DOCK9: variants seen among roughly 807,000 people sequenced by gnomAD.
DOCK9 encodes the protein dedicator of cytokinesis 9.
In DOCK9, 89 loss-of-function variants were observed where a neutral mutation model predicts 263.3. That is an observed-to-expected ratio of 0.34 (90% CI 0.28 to 0.40). The LOEUF (loss-of-function observed/expected upper bound fraction) is 0.40, where lower values mean the gene tolerates loss of function less well. DOCK9 is among the 10% of genes least tolerant of loss of function. DOCK9 has a pLI of 1.00. For missense variants in DOCK9, 2,140 were observed against 2,603.4 expected (o/e 0.82, Z 3.87); for synonymous variants, 976 against 973.1 (o/e 1.00, Z -0.06).
At chr13:98,878,417 C>T (rs1192217243) in intron 27 of DOCK9, among the ~76,000 whole-genome samples, 1 of 152,340 alleles carries the variant, frequency 6.6e-6, no homozygotes, top group East Asian at 1.9e-4. Flanking sequence ...ACCTCCTCCC[C>T]TTCTTTCCCA....
chr13:99,022,721 T>G (rs1451222272), intron 1 of DOCK9, among the ~76,000 whole-genome samples: 1 of 152,134 alleles, frequency 6.6e-6, no homozygotes, highest in East Asian at 1.9e-4. Flanking sequence ...GGCAGGAGGA[T>G]CGCTTGAGCC....
At chr13:98,937,296 G>A (rs148895554) in intron 2 of DOCK9, among the ~76,000 whole-genome samples, 2 of 151,872 alleles carry the variant, frequency 1.3e-5, no homozygotes, top group Non-Finnish European at 2.9e-5. Flanking sequence ...ACAACTATTT[G>A]GATAGAAATC....
At chr13:98,815,595 T>C (rs551980028) in intron 45 of DOCK9, among the ~76,000 whole-genome samples, 5 of 152,184 alleles carry the variant, frequency 3.3e-5, no homozygotes, top group Non-Finnish European at 7.4e-5. Flanking sequence ...CATTCTCCTA[T>C]CTCAGCCTCC....
chr13:99,078,075 G>A (rs1161099965), intron 1 of DOCK9, among the ~76,000 whole-genome samples: 2 of 152,130 alleles, frequency 1.3e-5, no homozygotes, highest in South Asian at 4.1e-4. Flanking sequence ...ATGTAAAAAG[G>A]ACAACCTAAC....
At chr13:99,049,147 C>T (rs1307696913) in intron 1 of DOCK9, among the ~76,000 whole-genome samples, 1 of 152,218 alleles carries the variant, frequency 6.6e-6, no homozygotes, top group East Asian at 1.9e-4. Flanking sequence ...TCTCTCATTA[C>T]TCAAGAATTT....
Position 98,862,919 on chromosome 13 carries a change from A to C in DOCK9, c.3579+100T>G, listed in dbSNP as rs893170295. 7 of 989,656 alleles carry C rather than the reference A, an allele frequency of 7.1e-6. No individual in the cohort carries two copies. The African/African-American group carries it at 1.1e-4, about 16-fold the overall frequency. The allele number at this position is 989,656 out of a possible 1,614,324, so 61.3% of individuals were successfully genotyped here. On this transcript the variant is annotated intron_variant, in intron 32 of 52. Coordinates refer to ENST00000682017, the MANE Select transcript of DOCK9 (RefSeq NM_001366683.2). ...ACTTCTGGACTCCTGACTGGGAGAG[A>C]ATAAACTGCTGCTGCTCTAAGCCAC... is the stretch of plus-strand genomic sequence containing the variant.
rs1422556755 is a variant in DOCK9 at position 98,856,037 on chromosome 13, T to C, written c.3698-6A>G. ...TGAGGTTGTATATGGAGAAGCTAAA[T>C]GGAAATCAAGCCAACAATAAAGTTT... On this transcript the variant is annotated splice_region_variant and splice_polypyrimidine_tract_variant and intron_variant, in intron 33 of 52. Coordinates refer to ENST00000682017, the MANE Select transcript of DOCK9 (RefSeq NM_001366683.2). 1.8e-5 allele frequency: 29 copies of C among 1,613,480 alleles called. No homozygotes were observed. The highest frequency in any genetic ancestry group is 2.4e-5 in the Non-Finnish European group (28 of 1,179,676).
At chr13:99,038,732 G>C (rs1358142853) in intron 1 of DOCK9, among the ~76,000 whole-genome samples, 3 of 152,214 alleles carry the variant, frequency 2.0e-5, no homozygotes, top group Admixed American at 6.5e-5. Flanking sequence ...TCTGTCTTGG[G>C]AAAGCACATT....
At chr13:98,981,054 G>GTTTTTTTTTTTTTTTTTTT (rs1291190944), upstream of DOCK9, among the ~76,000 whole-genome samples, 1 of 143,878 alleles carries the variant, frequency 7.0e-6, no homozygotes. Context: ...CAAGTAATTT[G>GTTTTTTTTTTTTTTTTTTT]TTTTTTGTTT....
rs754065478 is a variant in DOCK9 at position 99,072,923 on chromosome 13, C to T, written c.129+13300G>A. On this transcript the variant is annotated intron_variant, in intron 1 of 32. Transcript: ENST00000427887. ...TGAAGATGGGAGGATTGCTTGAGCC[C>T]GGGAGGTCAAGGCTTCAGTGAGCCA... 5.3e-5 allele frequency among the ~76,000 whole-genome samples: 8 copies of T among 152,108 alleles called. No individual in the cohort carries two copies. The South Asian group carries it at 1.5e-3, about 28-fold the overall frequency.
At chr13:98,875,748 C>T (rs150816697) in intron 27 of DOCK9, among the ~76,000 whole-genome samples, 1 of 152,216 alleles carries the variant, frequency 6.6e-6, no homozygotes, top group Non-Finnish European at 1.5e-5. Flanking sequence ...GTACATGTCA[C>T]CTATGAAACT....
intron 35 of DOCK9, among the ~76,000 whole-genome samples, chr13:98,852,509 C>T (rs1248873466): frequency 2.6e-5 from 4 of 151,968 alleles, no homozygotes; most frequent in African/African-American, 9.7e-5. Context: ...TATTTTCAAG[C>T]AGAAATACCT....
intron 2 of DOCK9, chr13:98,950,359 G>C (rs914236111): frequency 8.7e-6 from 8 of 920,584 alleles, no homozygotes; most frequent in African/African-American, 8.3e-5. Context: ...TGCCTGCTTT[G>C]CCTGAGTGGC....
intron 1 of DOCK9, among the ~76,000 whole-genome samples, chr13:99,046,170 G>A (rs934747091): frequency 6.6e-6 from 1 of 151,692 alleles, no homozygotes; most frequent in Admixed American, 6.6e-5. Flanking sequence ...CTTAAGCAAC[G>A]ACAGAAAAGG....
At chr13:99,020,556 G>T (rs1379572150) in intron 1 of DOCK9, among the ~76,000 whole-genome samples, 1 of 152,198 alleles carries the variant, frequency 6.6e-6, no homozygotes, top group East Asian at 1.9e-4. Context: ...CTCCTGCAAA[G>T]CTTAAGCATC....
chr13:98,870,429 T>C (rs547533477), intron 27 of DOCK9, among the ~76,000 whole-genome samples: 2 of 152,272 alleles, frequency 1.3e-5, no homozygotes, highest in African/African-American at 4.8e-5. Context: ...CATCAATAGA[T>C]GACCAATTTC....
chr13:98,810,111 G>T, intron 46 of DOCK9, 58 bp downstream of exon 46: 1 of 1,606,672 alleles, frequency 6.2e-7, no homozygotes, highest in South Asian at 1.1e-5. Context: ...GCAGGTCTGG[G>T]TATATGTCAC....
intron 2 of DOCK9, among the ~76,000 whole-genome samples, chr13:98,939,970 C>T (rs1399162411): frequency 1.3e-5 from 2 of 152,196 alleles, no homozygotes; most frequent in South Asian, 2.1e-4. Flanking sequence ...TATTTTGTAT[C>T]GAGTGCAGTA....
intron 1 of DOCK9, among the ~76,000 whole-genome samples, chr13:99,044,310 C>T (rs978198280): frequency 4.6e-5 from 7 of 152,220 alleles, no homozygotes; most frequent in Admixed American, 2.6e-4. Context: ...ACACTGCAGG[C>T]AGTGGGTCTT....
Sources: gnomAD v4.1 joint callset for allele counts (sites outside exome capture counted in the v4.1 genomes callset) on GRCh38, gnomAD v4.1.1 for gene constraint, MANE v1.5 for transcripts, NCBI Gene and HGNC (gene_info 2026-07-23, HGNC 2026-07-21) for gene names.